RNF144A: variants seen among roughly 807,000 people sequenced by gnomAD.
RNF144A encodes ring finger protein 144A.
A neutral mutation model predicts 38.7 loss-of-function variants in RNF144A; 11 were observed. That is an observed-to-expected ratio of 0.28 (90% confidence interval 0.18 to 0.47). The LOEUF (loss-of-function observed/expected upper bound fraction) is 0.47, where lower values mean the gene tolerates loss of function less well. RNF144A is among the 20% of genes least tolerant of loss of function. The pLI is 0.99. For synonymous variants in RNF144A, 149 were observed against 143.9 expected, an observed-to-expected ratio of 1.04 and a Z score of -0.25; for missense variants, 316 against 377.2, an observed-to-expected ratio of 0.84 and a Z score of 1.34.
chr2:6,998,591 C>G (rs555911415), intron 3 of RNF144A, among the ~76,000 whole-genome samples: 35 of 152,298 alleles, frequency 2.3e-4, no homozygotes, highest in Admixed American at 1.2e-3. Context: ...GTGTATTGAT[C>G]TCAATACTGT....
chr2:7,014,936 G>A (rs1038319441), intron 5 of RNF144A, among the ~76,000 whole-genome samples, 164 bp downstream of exon 5: 3 of 152,194 alleles, frequency 2.0e-5, no homozygotes, highest in Non-Finnish European at 4.4e-5. Flanking sequence ...TGGATTCTCT[G>A]AACAGCTCAC....
At chr2:7,058,626 T>C (rs1056305303) in intron 6 of RNF144A, among the ~76,000 whole-genome samples, 1 of 152,206 alleles carries the variant, frequency 6.6e-6, no homozygotes, top group African/African-American at 2.4e-5. Flanking sequence ...TAATATCCCA[T>C]CTAAAAGAGT....
intron 6 of RNF144A, among the ~76,000 whole-genome samples, chr2:7,021,501 C>T (rs925565857): frequency 6.6e-6 from 1 of 152,186 alleles, no homozygotes; most frequent in Non-Finnish European, 1.5e-5. Flanking sequence ...TCCTTCCGGG[C>T]GAACCTCTCT....
At chr2:7,026,584 T>C (rs1671912803) in intron 7 of RNF144A, among the ~76,000 whole-genome samples, 1 of 152,170 alleles carries the variant, frequency 6.6e-6, no homozygotes, top group African/African-American at 2.4e-5. Context: ...TTTGTAACTT[T>C]CCATAAAGAA....
chr2:7,043,161 C>T lies in RNF144A; in HGVS notation c.*3401C>T, dbSNP rs1220372479. Reference sequence around the variant, plus strand: ...GGAATTACAGGCCTGAGCCACCCCACCCGGCCTATTTTCTTAAAGGGGAAC... The same window carrying T: ...GGAATTACAGGCCTGAGCCACCCCATCCGGCCTATTTTCTTAAAGGGGAAC... On this transcript the variant is annotated 3_prime_UTR_variant, in exon 9 of 9. Coordinates refer to ENST00000320892, the MANE Select transcript of RNF144A (RefSeq NM_014746.6). The T allele has an allele frequency of 1.0e-6, 1 of 984,954 alleles. No homozygotes were observed. The highest frequency in any genetic ancestry group is 1.7e-5 in the African/African-American group (1 of 57,204). The allele number at this position is 984,954 out of a possible 1,614,324, so 61.0% of individuals were successfully genotyped here.
chr2:6,925,719 T>C (rs548403379), intron 1 of RNF144A, among the ~76,000 whole-genome samples: 54 of 152,306 alleles, frequency 3.5e-4, no homozygotes, highest in African/African-American at 1.3e-3. Flanking sequence ...TCACAAGGAC[T>C]TCAGTCATGT....
At chr2:6,925,061 G>A (rs1336934425) in intron 1 of RNF144A, among the ~76,000 whole-genome samples, 1 of 152,216 alleles carries the variant, frequency 6.6e-6, no homozygotes, top group African/African-American at 2.4e-5. Context: ...TTTTGATAGC[G>A]TATGCACTGG....
chr2:6,969,871 C>T (rs1416690772), intron 2 of RNF144A, among the ~76,000 whole-genome samples: 1 of 152,198 alleles, frequency 6.6e-6, no homozygotes, highest in African/African-American at 2.4e-5. Flanking sequence ...ACATCATTCT[C>T]CTGCCTCAGC....
intron 7 of RNF144A, 118 bp downstream of exon 7, chr2:7,024,634 A>G: frequency 8.9e-7 from 1 of 1,128,146 alleles, no homozygotes; most frequent in Non-Finnish European, 1.3e-6. Flanking sequence ...TGTAACAGTG[A>G]AGCAACACCG....
At chr2:6,957,103 T>C (rs1051898373) in intron 2 of RNF144A, among the ~76,000 whole-genome samples, 3 of 152,148 alleles carry the variant, frequency 2.0e-5, no homozygotes, top group African/African-American at 7.2e-5. Flanking sequence ...AGCCCTTTGG[T>C]GGCATGGTTT....
At chr2:6,974,185 G>A (rs182514010) in intron 2 of RNF144A, among the ~76,000 whole-genome samples, 288 of 152,328 alleles carry the variant, frequency 1.9e-3, no homozygotes, top group Non-Finnish European at 3.5e-3. Context: ...GAATAGTATT[G>A]ATTTCTCAAG....
At chr2:7,009,335 A>G (rs967512342) in intron 3 of RNF144A, among the ~76,000 whole-genome samples, 1 of 152,208 alleles carries the variant, frequency 6.6e-6, no homozygotes, top group Non-Finnish European at 1.5e-5. Context: ...TTAGTCTTAG[A>G]TAGCTTAGGA....
At chr2:7,002,990 A>T (rs991954502) in intron 3 of RNF144A, among the ~76,000 whole-genome samples, 2 of 152,194 alleles carry the variant, frequency 1.3e-5, no homozygotes, top group Non-Finnish European at 1.5e-5. Flanking sequence ...TAACAAAAAA[A>T]GTTTAAAAAA....
intron 6 of RNF144A, among the ~76,000 whole-genome samples, chr2:7,021,860 G>A (rs1671553968): frequency 6.6e-6 from 1 of 152,204 alleles, no homozygotes; most frequent in Non-Finnish European, 1.5e-5. Context: ...AACTTTAGAT[G>A]GAGGCTGGTG....
At chr2:7,025,307 C>T (rs573192678) in intron 7 of RNF144A, among the ~76,000 whole-genome samples, 22 of 152,284 alleles carry the variant, frequency 1.4e-4, no homozygotes, top group Middle Eastern at 6.8e-3. Flanking sequence ...CATATTAGGG[C>T]GTGGGCATCT....
intron 2 of RNF144A, among the ~76,000 whole-genome samples, chr2:6,978,055 C>A (rs1201038442): frequency 1.3e-5 from 2 of 152,094 alleles, no homozygotes; most frequent in Non-Finnish European, 2.9e-5. Flanking sequence ...ATCACAGCCT[C>A]ACTCCTCATC....
intron 1 of RNF144A, among the ~76,000 whole-genome samples, chr2:6,934,005 C>T (rs1376006186): frequency 6.6e-6 from 1 of 151,786 alleles, no homozygotes; most frequent in Non-Finnish European, 1.5e-5. Flanking sequence ...TTTTTTTTCA[C>T]CAATGTATCT....
intron 8 of RNF144A, 22 bp downstream of exon 8, chr2:7,030,237 A>G (rs1391352764): frequency 2.0e-6 from 3 of 1,466,372 alleles, no homozygotes; most frequent in Admixed American, 3.4e-5. Context: ...TTTGCCTGGA[A>G]GGTTGATCTC....
intron 2 of RNF144A, among the ~76,000 whole-genome samples, chr2:6,970,180 C>T (rs1023775670): frequency 1.3e-5 from 2 of 152,218 alleles, no homozygotes; most frequent in African/African-American, 4.8e-5. Flanking sequence ...TCACCCAAAT[C>T]TCATCTTGTA....
Sources: gnomAD v4.1 joint callset for allele counts (sites outside exome capture counted in the v4.1 genomes callset) on GRCh38, gnomAD v4.1.1 for gene constraint, MANE v1.5 for transcripts, NCBI Gene and HGNC (gene_info 2026-07-23, HGNC 2026-07-21) for gene names.